MXI1: variants seen among roughly 807,000 people sequenced by gnomAD.
The protein encoded by MXI1 is max-interacting protein 1.
Under a neutral mutation model 36.9 loss-of-function variants are expected in MXI1, and 18 were observed. That is an observed-to-expected ratio of 0.49 (90% CI 0.34 to 0.72). The LOEUF is 0.72. MXI1 is among the 30% of genes least tolerant of loss of function. MXI1 has a pLI of 0.01. For synonymous variants in MXI1, 160 were observed against 146.7 expected, an observed-to-expected ratio of 1.09 and a Z score of -0.65; for missense variants, 304 against 379.1, an observed-to-expected ratio of 0.80 and a Z score of 1.64.
chr10:110,210,114 C>G (rs1205025674), intron 1 of MXI1: 2 of 305,064 alleles, frequency 6.6e-6, no homozygotes, highest in African/African-American at 4.6e-5. Context: ...GCGTGGCCAC[C>G]AGTCACGTAA....
intron 3 of MXI1, chr10:110,257,813 GCTGGAAC>G (rs1856370376): frequency 2.8e-6 from 1 of 352,706 alleles, no homozygotes; most frequent in African/African-American, 2.2e-5. Flanking sequence ...TGCCTGAGCT[GCTGGAAC>G]CTATTCCCTG....
intron 1 of MXI1, chr10:110,210,170 G>A: frequency 1.2e-6 from 1 of 835,652 alleles, no homozygotes; most frequent in Non-Finnish European, 1.4e-6. Context: ...GCGCGGGGCG[G>A]GCCCGTGGCG....
Position 110,286,314 on chromosome 10 carries a change from T to G in MXI1, c.*1327T>G, listed in dbSNP as rs1277470733. Reference sequence around the variant, plus strand: ...CTCTTACGAATATTTTCAGTAATGTTATTTTCTTCTAAGTGAAATTTCTAG... The same window carrying G: ...CTCTTACGAATATTTTCAGTAATGTGATTTTCTTCTAAGTGAAATTTCTAG... On this transcript the variant is annotated 3_prime_UTR_variant, in exon 6 of 6. Transcript: ENST00000332674. The G allele has an allele frequency of 6.6e-6, 1 of 152,620 alleles. No homozygotes were observed. Among genetic ancestry groups the G allele is most frequent in the African/African-American group, 2.4e-5 (1 of 41,436 alleles). The allele number at this position is 152,620 out of a possible 1,614,324, so 9.5% of individuals were successfully genotyped here.
intron 3 of MXI1, among the ~76,000 whole-genome samples, chr10:110,271,400 C>T (rs1003213292): frequency 1.3e-5 from 2 of 152,110 alleles, no homozygotes; most frequent in Admixed American, 1.3e-4. Context: ...GCCAGTCATT[C>T]TGTTTATTTG....
At chr10:110,271,767 CAGT>C (rs776426493) in intron 3 of MXI1, among the ~76,000 whole-genome samples, 2 of 152,144 alleles carry the variant, frequency 1.3e-5, no homozygotes, top group Non-Finnish European at 2.9e-5. Flanking sequence ...GCATTTAGCT[CAGT>C]GGTATAATAA....
intron 2 of MXI1, among the ~76,000 whole-genome samples, chr10:110,240,199 A>G (rs1677773528): frequency 6.6e-6 from 1 of 152,108 alleles, no homozygotes; most frequent in Non-Finnish European, 1.5e-5. Flanking sequence ...GTTTGGGGCC[A>G]GTATGAATAG....
intron 5 of MXI1, among the ~76,000 whole-genome samples, chr10:110,282,319 T>A (rs1857281828): frequency 6.6e-6 from 1 of 152,212 alleles, no homozygotes; most frequent in Non-Finnish European, 1.5e-5. Context: ...TTTCATCCTT[T>A]TTAACGCAAC....
intron 2 of MXI1, among the ~76,000 whole-genome samples, chr10:110,233,364 G>C (rs992397259): frequency 6.6e-6 from 1 of 152,064 alleles, no homozygotes; most frequent in African/African-American, 2.4e-5. Context: ...GAGAGGGATG[G>C]TGGTGAATTA....
At chr10:110,218,773 T>C (rs2134334244) in intron 1 of MXI1, among the ~76,000 whole-genome samples, 1 of 152,312 alleles carries the variant, frequency 6.6e-6, no homozygotes, top group South Asian at 2.1e-4. Context: ...GTCAGGCTTA[T>C]TAGGCTTCCT....
intron 3 of MXI1, among the ~76,000 whole-genome samples, chr10:110,259,622 A>G (rs558408783): frequency 7.2e-4 from 110 of 152,232 alleles, no homozygotes; most frequent in African/African-American, 2.5e-3. Context: ...TCAGTAAAAA[A>G]TGTCTTTTTA....
At chr10:110,262,566 A>C (rs1856554523) in intron 3 of MXI1, among the ~76,000 whole-genome samples, 2 of 152,122 alleles carry the variant, frequency 1.3e-5, no homozygotes, top group Non-Finnish European at 2.9e-5. Context: ...TTTCTGTAGT[A>C]AGAGTGCATT....
chr10:110,237,140 ATGT>A (rs140401182), intron 2 of MXI1, among the ~76,000 whole-genome samples: 7,717 of 152,214 alleles, frequency 0.051, 625 homozygotes, highest in African/African-American at 0.17. Context: ...ATAGACAGTA[ATGT>A]TGTTTGCAAG....
chr10:110,213,832 A>G (rs1035652903), intron 1 of MXI1, among the ~76,000 whole-genome samples: 1 of 152,252 alleles, frequency 6.6e-6, no homozygotes, highest in Non-Finnish European at 1.5e-5. Context: ...AAAAGTCTAG[A>G]GGTGAAACTG....
intron 1 of MXI1, 89 bp from the exon 2 acceptor site, chr10:110,228,100 C>T (rs1053073078): frequency 4.4e-5 from 64 of 1,456,088 alleles, no homozygotes; most frequent in Non-Finnish European, 5.5e-5. Context: ...CTTTCAAAAA[C>T]CTGTTACTGC....
rs1854401229 is a variant in MXI1 at position 110,207,877 on chromosome 10, C to A, written c.69C>A (p.Pro23=). The A allele has an allele frequency of 8.0e-7, 1 of 1,253,610 alleles. No individual in the cohort carries two copies. The highest frequency in any genetic ancestry group is 3.8e-5 in the East Asian group (1 of 26,586). The allele number at this position is 1,253,610 out of a possible 1,614,324, so 77.7% of individuals were successfully genotyped here. Residue 23 remains proline (P), a synonymous_variant, in exon 1 of 6, where the codon CCC becomes CCA. Transcript: ENST00000332674. ...GCGCGGGGCTGGCCCCCGCCGCGCC[C>A]CCGGCTGTGCCCCCCGCCGTGGCCG... The part of the protein sequence containing the change: ...CEGAGLAPAA[P]PAVPPAVAAP...
intron 2 of MXI1, among the ~76,000 whole-genome samples, chr10:110,237,897 C>A (rs1855527863): frequency 2.0e-5 from 3 of 152,156 alleles, no homozygotes; most frequent in Non-Finnish European, 4.4e-5. Context: ...CTGCCTCAGC[C>A]TCTCAAGTAG....
At chr10:110,284,581 C>T (rs540805953) in intron 5 of MXI1, among the ~76,000 whole-genome samples, 8 of 152,316 alleles carry the variant, frequency 5.3e-5, no homozygotes, top group South Asian at 2.1e-4. Context: ...GAGGTCCAGA[C>T]GGACTGGCGT....
intron 1 of MXI1, chr10:110,227,901 T>G: frequency 2.6e-6 from 1 of 391,222 alleles, no homozygotes. Context: ...TCACAAAATT[T>G]TTGTTCTAAA....
At chr10:110,217,821 C>A (rs529979875) in intron 1 of MXI1, among the ~76,000 whole-genome samples, 2 of 152,278 alleles carry the variant, frequency 1.3e-5, no homozygotes, top group Admixed American at 6.5e-5. Context: ...AGTGTGATAA[C>A]CTGTCCCCAA....
Sources: allele counts gnomAD v4.1 joint callset (sites outside exome capture counted in the v4.1 genomes callset), GRCh38; gene constraint gnomAD v4.1.1; transcripts MANE v1.5; gene names NCBI Gene and HGNC (gene_info 2026-07-23, HGNC 2026-07-21).